The following RFX6 variants were observed in gnomAD, a reference collection of about 807,000 sequenced individuals.
RFX6 encodes the protein regulatory factor X6.
RFX6 carries 50 observed loss-of-function variants against 110.8 expected under a neutral mutation model. That is an observed-to-expected ratio of 0.45 (90% CI 0.36 to 0.57). The LOEUF is 0.57. RFX6 is among the 20% of genes least tolerant of loss of function. The probability of loss-of-function intolerance (pLI) is 0.00; values close to 1 mark genes in which losing one functional copy is unlikely to be tolerated. For missense variants in RFX6, 990 were observed against 1,127.0 expected (o/e 0.88, Z 1.74); for synonymous variants, 383 against 411.2 (o/e 0.93, Z 0.83).
chr6:116,919,322 A>T lies in RFX6; in HGVS notation c.1182+26A>T, dbSNP rs139197190. 5.2e-4 allele frequency: 837 copies of T among 1,599,336 alleles called. 21 individuals are homozygous for T. In the East Asian group the frequency reaches 0.012, roughly 23 times the overall value. ...GTATGTTGGTTGCTAAGTCGAGAGCATTTGAGTCACCATATAAAAAATGAA... is the reference window on the plus strand; with the variant it reads ...GTATGTTGGTTGCTAAGTCGAGAGCTTTTGAGTCACCATATAAAAAATGAA... On this transcript the variant is annotated intron_variant, in intron 11 of 18. Transcript: ENST00000332958.
chr6:116,888,764 T>C lies in RFX6; in HGVS notation c.567-5223T>C, dbSNP rs145869022. Among the ~76,000 whole-genome samples, 114 of 152,274 alleles carry C rather than the reference T, an allele frequency of 7.5e-4. 1 individual carries two copies. Among genetic ancestry groups the C allele is most frequent in the African/African-American group, 2.5e-3 (104 of 41,572 alleles). The stretch of plus-strand genomic sequence containing the variant: ...TCTTCTTGTTATATTACAGTATGCA[T>C]GGTAAATACTCCCTAGCAAGATTTA... On this transcript the variant is annotated intron_variant, in intron 4 of 18. Coordinates refer to ENST00000332958, the MANE Select transcript of RFX6 (RefSeq NM_173560.4).
intron 6 of RFX6, among the ~76,000 whole-genome samples, chr6:116,897,404 T>A (rs929861104): frequency 3.9e-5 from 6 of 152,126 alleles, no homozygotes; most frequent in African/African-American, 1.4e-4. Context: ...TTGCCAAATG[T>A]CAACTACTGG....
Position 116,929,017 on chromosome 6 carries a change from A to G in RFX6, c.2611+46A>G, listed in dbSNP as rs1266763716. ...TTGAAAACATTTTAAGAAGTTGTTAACCTCAGGTATGCAACATTACTTGAG... is the reference window on the plus strand; with the variant it reads ...TTGAAAACATTTTAAGAAGTTGTTAGCCTCAGGTATGCAACATTACTTGAG... On this transcript the variant is annotated intron_variant, in intron 18 of 18. Transcript: ENST00000332958. 3.2e-6 allele frequency: 4 copies of G among 1,254,292 alleles called. No homozygotes were observed. The African/African-American group carries it at 4.4e-5, about 14-fold the overall frequency. The allele number at this position is 1,254,292 out of a possible 1,614,324, so 77.7% of individuals were successfully genotyped here. A position where few individuals can be genotyped will look rare whatever the true frequency, so the allele number is the denominator to read the frequency against.
At chr6:116,914,481 C>T (rs1223688375) in intron 7 of RFX6, among the ~76,000 whole-genome samples, 3 of 152,100 alleles carry the variant, frequency 2.0e-5, no homozygotes, top group Non-Finnish European at 4.4e-5. Flanking sequence ...ACTTCCCTTC[C>T]ATCTTTCGTG....
Position 116,928,921 on chromosome 6 carries a change from C to T in RFX6, c.2561C>T (p.Ser854Leu), listed in dbSNP as rs201522681. 8.3e-4 allele frequency: 1,338 copies of T among 1,613,588 alleles called. 1 individual carries two copies. Among genetic ancestry groups the T allele is most frequent in the Admixed American group, 2.0e-3 (122 of 60,004 alleles). The change falls in exon 18 of 19, where the codon TCG becomes TTG. Residue 854 changes from serine (S) to leucine (L), a missense_variant. Transcript: ENST00000332958. Reference protein sequence around the residue: ...LDDSGRKQTSSFYTDTSSPVA... With the variant: ...LDDSGRKQTSLFYTDTSSPVA... ...GACAGTGGTAGAAAACAGACCAGCT[C>T]GTTTTACACAGACACATCATCTCCA...
At position 116,918,049 on chromosome 6, in the gene RFX6, G is replaced by A. The variant is rs139343836; in HGVS notation, c.985G>A (p.Val329Ile). 1.6e-3 allele frequency: 2,548 copies of A among 1,606,636 alleles called. 78 individuals are homozygous for A. The Admixed American group carries it at 0.039, about 25-fold the overall frequency. Residue 329 changes from valine to isoleucine, a missense_variant, in exon 10 of 19, where the codon GTA (valine) becomes ATA (isoleucine). By Grantham distance (29) the Val-to-Ile change is conservative (BLOSUM62 3). Transcript: ENST00000332958. ...TGCTATGATTAAGGTTCTTACAGAT[G>A]TACTCATTCCTGCAACAATGCAAGA... ...DSILYKVLTD[V>I]LIPATMQEMP...
At chr6:116,896,342 T>C (rs1019666344) in intron 6 of RFX6, among the ~76,000 whole-genome samples, 2 of 152,198 alleles carry the variant, frequency 1.3e-5, no homozygotes, top group Non-Finnish European at 2.9e-5. Context: ...TAAAATATTC[T>C]GATTAAGCTC....
chr6:116,926,937 A>G (rs1444458225), intron 16 of RFX6, 90 bp from the exon 17 acceptor site: 2 of 1,214,286 alleles, frequency 1.6e-6, no homozygotes, highest in East Asian at 4.7e-5. Flanking sequence ...GGAAAACAAT[A>G]CATTAATAAA....
rs1231299884 is a variant in RFX6, at chr6:116,922,684, C to G, written c.1438-423C>G. On this transcript the variant is annotated intron_variant, in intron 13 of 18. Coordinates refer to ENST00000332958, the MANE Select transcript of RFX6 (RefSeq NM_173560.4). ...TGTTGGCCATTCCATATCAAGGAGACTAGTTATAGTTTGGAGACTTTTTTC... is the reference window on the plus strand; with the variant it reads ...TGTTGGCCATTCCATATCAAGGAGAGTAGTTATAGTTTGGAGACTTTTTTC... Among the ~76,000 whole-genome samples the G allele has an allele frequency of 8.6e-5, 13 of 151,932 alleles. No homozygotes were observed. In the East Asian group the frequency reaches 2.5e-3, roughly 29 times the overall value.
At position 116,908,592 on chromosome 6, in the gene RFX6, C is replaced by T. The variant is rs1775260517; in HGVS notation, c.673-2343C>T. On this transcript the variant is annotated intron_variant, in intron 6 of 18. Coordinates refer to ENST00000332958, the MANE Select transcript of RFX6 (RefSeq NM_173560.4). ...TTTGTGATTTTCAAGGGTATTTTACCACTAAGTAAGACATTTGCTGTGGGC... is the reference window on the plus strand; with the variant it reads ...TTTGTGATTTTCAAGGGTATTTTACTACTAAGTAAGACATTTGCTGTGGGC... Among the ~76,000 whole-genome samples the T allele has an allele frequency of 2.6e-5, 4 of 151,632 alleles. No individual in the cohort carries two copies. In the South Asian group the frequency reaches 8.4e-4, roughly 32 times the overall value.
At chr6:116,913,962 T>G (rs1775410123) in intron 7 of RFX6, among the ~76,000 whole-genome samples, 1 of 152,234 alleles carries the variant, frequency 6.6e-6, no homozygotes, top group Admixed American at 6.5e-5. Flanking sequence ...CTAGCTACTT[T>G]GAATATGCAA....
intron 9 of RFX6, 25 bp downstream of exon 9, chr6:116,916,339 C>T (rs1775462620): frequency 7.6e-7 from 1 of 1,311,620 alleles, no homozygotes; most frequent in Admixed American, 1.7e-5. Flanking sequence ...ATGTCTTAAA[C>T]ATGAGCCATT....
rs149748658 is a variant in RFX6 at position 116,927,188 on chromosome 6, G to C, written c.2047G>C (p.Glu683Gln). 1.2e-5 allele frequency: 19 copies of C among 1,614,122 alleles called. No individual in the cohort carries two copies. Among genetic ancestry groups the C allele is most frequent in the Non-Finnish European group, 1.5e-5 (18 of 1,180,022 alleles). The change falls in exon 17 of 19, where the codon GAG (glutamate) becomes CAG (glutamine). Residue 683 changes from glutamate (E) to glutamine (Q), a missense_variant. This residue lies in a region of RFX6 where 438 missense variants were observed against 441.9 expected (regional missense o/e 0.99). Transcript: ENST00000332958. Reference protein sequence around the residue: ...SAPSHCSTYPEPIYPTLPQAN... With the variant: ...SAPSHCSTYPQPIYPTLPQAN... ...TCCATCACACTGCTCCACATACCCA[G>C]AGCCCATTTATCCCACTCTCCCTCA...
intron 4 of RFX6, among the ~76,000 whole-genome samples, chr6:116,890,022 T>C (rs1774785485): frequency 7.3e-6 from 1 of 136,966 alleles, no homozygotes; most frequent in African/African-American, 2.8e-5. Flanking sequence ...ATGCTTACAT[T>C]ACTCCTGCCA....
chr6:116,885,240 G>T lies in RFX6; in HGVS notation c.566+2812G>T, dbSNP rs545150263. On this transcript the variant is annotated intron_variant, in intron 4 of 18. Transcript: ENST00000332958. The stretch of plus-strand genomic sequence containing the variant: ...TAGTGATTTATTGTAAGGTTATTCA[G>T]CTTTTCACCAGTAAAGTGGGTATAC... Among the ~76,000 whole-genome samples the T allele has an allele frequency of 1.6e-3, 250 of 152,254 alleles. 1 individual carries two copies. Among genetic ancestry groups the T allele is most frequent in the African/African-American group, 5.8e-3 (240 of 41,558 alleles).
rs377494898 is a variant in RFX6, at chr6:116,928,983, T to C, written c.2611+12T>C. The C allele has an allele frequency of 6.5e-7, 1 of 1,548,444 alleles. No individual in the cohort carries two copies. The highest frequency in any genetic ancestry group is 8.9e-7 in the Non-Finnish European group (1 of 1,120,238). On this transcript the variant is annotated intron_variant, in intron 18 of 18. Transcript: ENST00000332958. ...AACTCCAGTCCTAGGTAAATTATTT[T>C]AGCAGTTCTTGAAAACATTTTAAGA...
At chr6:116,916,983 T>C (rs1562144706) in intron 9 of RFX6, among the ~76,000 whole-genome samples, 1 of 152,118 alleles carries the variant, frequency 6.6e-6, no homozygotes, top group Non-Finnish European at 1.5e-5. Context: ...TAACTTACCA[T>C]AAGGAAAAAC....
At chr6:116,878,003 C>T (rs1342192650) in intron 2 of RFX6, 51 bp downstream of exon 2, 2 of 1,542,962 alleles carry the variant, frequency 1.3e-6, no homozygotes, top group Middle Eastern at 1.7e-4. Context: ...GTTTTAACAG[C>T]CAGCGTCTTC....
chr6:116,906,862 T>TG (rs1197449429), intron 6 of RFX6, among the ~76,000 whole-genome samples: 1 of 63,238 alleles, frequency 1.6e-5, no homozygotes, highest in Admixed American at 1.7e-4. Flanking sequence ...GTTTTTTTGT[T>TG]TTTTTTTTTT....
Sources: gnomAD v4.1 joint callset for allele counts (sites outside exome capture counted in the v4.1 genomes callset) on GRCh38, gnomAD v4.1.1 for gene constraint, gnomAD v4.1.1 regional missense constraint, MANE v1.5 for transcripts, NCBI Gene and HGNC (gene_info 2026-07-23, HGNC 2026-07-21) for gene names.